Variants in DNAH14 observed in about 807,000 individuals in gnomAD.
DNAH14 encodes axonemal beta dynein heavy chain 14.
In DNAH14, 478 loss-of-function variants were observed where a neutral mutation model predicts 520.9. That is an observed-to-expected ratio of 0.92 (90% CI 0.85 to 0.99). The LOEUF is 0.99. Ranked by LOEUF, DNAH14 falls within the 50% of genes least tolerant of loss-of-function variation. DNAH14 has a pLI of 0.00. For synonymous variants in DNAH14, 1,581 were observed against 1,757.2 expected (o/e 0.90, Z 2.51); for missense variants, 4,831 against 5,234.5 (o/e 0.92, Z 2.38).
rs1299945556 is a variant in DNAH14 at position 225,038,823 on chromosome 1, G to A, written c.1488G>A (p.Glu496=). The change falls in exon 12 of 86, where the codon GAG becomes GAA. Residue 496 remains glutamate, a splice_region_variant and synonymous_variant. Coordinates refer to ENST00000682510, the MANE Select transcript of DNAH14 (RefSeq NM_001367479.1). ...SEVKTDTDIN[E]ILNSVEVGKD... is the part of the protein sequence containing the mutation. ...TAAAAACAGACACTGATATTAATGA[G>A]GTAAAATGATCTTTGAAAAATATAA... 2.7e-6 allele frequency: 4 copies of A among 1,473,388 alleles called. No individual in the cohort carries two copies. Among genetic ancestry groups the A allele is most frequent in the Middle Eastern group, 1.8e-4 (1 of 5,670 alleles). 91.3% of individuals were successfully genotyped at this position (1,473,388 alleles called of 1,614,324 possible). A position where few individuals can be genotyped will look rare whatever the true frequency, so the allele number is the denominator to read the frequency against.
intron 6 of DNAH14, chr1:224,967,922 G>T: frequency 8.3e-7 from 1 of 1,200,778 alleles, no homozygotes; most frequent in Non-Finnish European, 1.0e-6. Context: ...TTCTTTATTG[G>T]CACATTTGTC....
chr1:224,930,654 G>C (rs1248884977), intron 1 of DNAH14, among the ~76,000 whole-genome samples: 3 of 152,102 alleles, frequency 2.0e-5, no homozygotes, highest in African/African-American at 7.2e-5. Flanking sequence ...CTGGAGTGCA[G>C]TGGCGCGACC....
intron 67 of DNAH14, among the ~76,000 whole-genome samples, chr1:225,337,704 A>G (rs1412809467): frequency 6.6e-6 from 1 of 152,220 alleles, no homozygotes; most frequent in Non-Finnish European, 1.5e-5. Flanking sequence ...GATATTTAAT[A>G]AAACTTAAAT....
intron 2 of DNAH14, 27 bp downstream of exon 2, chr1:224,952,806 T>C: frequency 6.6e-7 from 1 of 1,518,262 alleles, no homozygotes; most frequent in South Asian, 1.3e-5. Flanking sequence ...ATATAATGAG[T>C]TTTTTTCTAA....
chr1:225,225,091 A>AT (rs2090415471), intron 41 of DNAH14, among the ~76,000 whole-genome samples: 1 of 152,012 alleles, frequency 6.6e-6, no homozygotes, highest in Non-Finnish European at 1.5e-5. Context: ...AATCACATCT[A>AT]TTTTTCCACC....
chr1:225,327,243 C>G (rs557170470), intron 64 of DNAH14, among the ~76,000 whole-genome samples: 14 of 152,054 alleles, frequency 9.2e-5, no homozygotes, highest in African/African-American at 3.1e-4. Context: ...CTGCAAGCTC[C>G]GCCTCCCGGG....
At chr1:224,936,538 A>G (rs575872594) in intron 1 of DNAH14, among the ~76,000 whole-genome samples, 4 of 152,128 alleles carry the variant, frequency 2.6e-5, no homozygotes, top group South Asian at 2.1e-4. Flanking sequence ...GAGAACATCA[A>G]CGAACCAATA....
At position 224,967,876 on chromosome 1, in the gene DNAH14, A is replaced by G. The variant is rs527263467; in HGVS notation, c.651+293A>G. 1.3e-4 allele frequency: 163 copies of G among 1,284,554 alleles called. No individual in the cohort carries two copies. In the African/African-American group the frequency reaches 2.1e-3, roughly 16 times the overall value. The allele number at this position is 1,284,554 out of a possible 1,614,324, so 79.6% of individuals were successfully genotyped here. ...AAGAACTACAAAACAAGCATTTGCT[A>G]GCTTAATGGGAACTATAATAATAAA... On this transcript the variant is annotated intron_variant, in intron 6 of 85. Coordinates refer to ENST00000682510, the MANE Select transcript of DNAH14 (RefSeq NM_001367479.1).
At position 225,334,884 on chromosome 1, in the gene DNAH14, ATGTG is replaced by A. The variant is rs1218533136; in HGVS notation, c.10080+1400_10080+1403del. Among the ~76,000 whole-genome samples the A allele has an allele frequency of 1.1e-3, 158 of 143,238 alleles. 1 individual carries two copies. In the Middle Eastern group the frequency reaches 0.017, roughly 16 times the overall value. 94.0% of individuals were successfully genotyped at this position (143,238 alleles called of 152,430 possible). A position where few individuals can be genotyped will look rare whatever the true frequency, so the allele number is the denominator to read the frequency against. On this transcript the variant is annotated intron_variant, in intron 66 of 85. Coordinates refer to ENST00000682510, the MANE Select transcript of DNAH14 (RefSeq NM_001367479.1). ...TCTCTGTCTCTCTCTCTACATATAT[ATGTG>A]TGTGTGTGTGTGTGTGTGTGTATAT... is the stretch of plus-strand genomic sequence containing the variant.
chr1:225,094,618 C>T (rs914219461), intron 21 of DNAH14, among the ~76,000 whole-genome samples: 4 of 66,350 alleles, frequency 6.0e-5, no homozygotes, highest in African/African-American at 1.5e-4. Flanking sequence ...CAAAAATTGA[C>T]AAATGGGACC....
intron 43 of DNAH14, among the ~76,000 whole-genome samples, chr1:225,246,455 G>A (rs1289113677): frequency 6.6e-6 from 1 of 152,030 alleles, no homozygotes; most frequent in Non-Finnish European, 1.5e-5. Flanking sequence ...CTACAGAACG[G>A]GAGAAAATTT....
intron 21 of DNAH14, among the ~76,000 whole-genome samples, chr1:225,088,555 A>C (rs1195054897): frequency 6.6e-6 from 1 of 152,156 alleles, no homozygotes; most frequent in Non-Finnish European, 1.5e-5. Flanking sequence ...CTACTAGACA[A>C]ATAATTGGAG....
At chr1:225,098,224 T>C (rs1307388198) in intron 22 of DNAH14, among the ~76,000 whole-genome samples, 1 of 151,994 alleles carries the variant, frequency 6.6e-6, no homozygotes, top group Non-Finnish European at 1.5e-5. Flanking sequence ...ACCAATTTAT[T>C]ACTATTACTT....
intron 36 of DNAH14, among the ~76,000 whole-genome samples, chr1:225,173,985 A>G (rs531227038): frequency 6.6e-6 from 1 of 152,336 alleles, no homozygotes; most frequent in East Asian, 1.9e-4. Context: ...GCTGGAAACC[A>G]TCATTCTCAG....
intron 41 of DNAH14, among the ~76,000 whole-genome samples, chr1:225,211,264 G>A (rs543626222): frequency 6.6e-6 from 1 of 152,268 alleles, no homozygotes; most frequent in Non-Finnish European, 1.5e-5. Context: ...TTGAAAAATG[G>A]TTAGAGGAAT....
At position 225,079,380 on chromosome 1, in the gene DNAH14, A is replaced by T. The variant is rs1180755368; in HGVS notation, c.2598A>T (p.Ser866=). Residue 866 remains serine (S), a synonymous_variant, in exon 18 of 86, where the codon TCA becomes TCT. Coordinates refer to ENST00000682510, the MANE Select transcript of DNAH14 (RefSeq NM_001367479.1). The part of the protein sequence containing the change: ...SVAKHHQIHI[S]EEQIAIFQVL... ...CAAAGCATCACCAGATCCATATTTC[A>T]GAAGAGCAAATTGCCATATTCCAAG... is the stretch of plus-strand genomic sequence containing the variant. 13 of 1,550,780 alleles carry T rather than the reference A, an allele frequency of 8.4e-6. No homozygotes were observed. In the East Asian group the frequency reaches 2.9e-4, roughly 35 times the overall value.
At chr1:224,952,549 T>G (rs2060246104) in intron 1 of DNAH14, 121 bp from the exon 2 acceptor site, 2 of 479,858 alleles carry the variant, frequency 4.2e-6, no homozygotes, top group Non-Finnish European at 7.1e-6. Flanking sequence ...ACAAAGGCAG[T>G]CAGGATATTA....
intron 55 of DNAH14, among the ~76,000 whole-genome samples, chr1:225,295,771 C>T (rs1390776854): frequency 6.6e-6 from 1 of 152,102 alleles, no homozygotes; most frequent in Admixed American, 6.6e-5. Context: ...TCCACTTGGT[C>T]TATGGTGCAA....
At position 224,968,779 on chromosome 1, in the gene DNAH14, T is replaced by C; in HGVS notation, c.672T>C (p.Ser224=). Residue 224 remains serine, a synonymous_variant, in exon 7 of 86, where the codon AGT becomes AGC. Transcript: ENST00000682510. ...FISKVINIVG[S]VKEVELIPTL... ...TGTAGGTTATTAATATAGTTGGTAG[T>C]GTAAAGGAAGTAGAACTCATACCTA... The C allele has an allele frequency of 2.0e-6, 3 of 1,520,066 alleles. No homozygotes were observed. Among genetic ancestry groups the C allele is most frequent in the South Asian group, 2.5e-5 (2 of 79,284 alleles). 94.2% of individuals were successfully genotyped at this position (1,520,066 alleles called of 1,614,324 possible). A position where few individuals can be genotyped will look rare whatever the true frequency, so the allele number is the denominator to read the frequency against.
Sources: gnomAD v4.1 joint callset for allele counts (sites outside exome capture counted in the v4.1 genomes callset) on GRCh38, gnomAD v4.1.1 for gene constraint, MANE v1.5 for transcripts, NCBI Gene and HGNC (gene_info 2026-07-23, HGNC 2026-07-21) for gene names.